The following DNAI3 variants were observed in gnomAD, a reference collection of about 807,000 sequenced individuals.
DNAI3 encodes the protein WD repeat domain 63.
DNAI3 carries 83 observed loss-of-function variants against 115.5 expected under a neutral mutation model. The ratio of observed to expected loss-of-function variants is 0.72; its 90% CI spans 0.60 to 0.86. The LOEUF is 0.86. Ranked by LOEUF, DNAI3 falls within the 40% of genes least tolerant of loss-of-function variation. The pLI, the probability that DNAI3 is intolerant of heterozygous loss-of-function variation, is 0.00. For synonymous variants in DNAI3, 320 were observed against 347.0 expected (o/e 0.92, Z 0.86); for missense variants, 1,004 against 1,075.8 (o/e 0.93, Z 0.93).
intron 3 of DNAI3, among the ~76,000 whole-genome samples, chr1:85,078,131 C>A (rs1286727163): frequency 6.6e-6 from 1 of 151,920 alleles, no homozygotes; most frequent in East Asian, 1.9e-4. Context: ...AGAAGCAGGA[C>A]CCTCTCCATG....
chr1:85,090,270 A>AT, intron 8 of DNAI3, 38 bp downstream of exon 8: 9 of 1,207,262 alleles, frequency 7.5e-6, no homozygotes, highest in Non-Finnish European at 1.0e-5. Flanking sequence ...AATAAAACAT[A>AT]AAATGTATAT....
rs776721054 is a variant in DNAI3 at position 85,108,035 on chromosome 1, C to A, written c.1556C>A (p.Thr519Lys). ...AAATATATATAAATTTTTTTTAGCA[C>A]AATATGTTTTTGGGATATTAGACCA... The part of the protein sequence containing the change: ...CQLVTCSADC[T>K]ICFWDIRPQK... The change falls in exon 15 of 23, where the codon ACA becomes AAA. Residue 519 changes from threonine to lysine, a missense_variant and splice_region_variant. By Grantham distance (78) the Thr-to-Lys change is moderately conservative. This residue lies in a region of DNAI3 where 429 missense variants were observed against 454.3 expected (regional missense o/e 0.94). Coordinates refer to ENST00000294664, the MANE Select transcript of DNAI3 (RefSeq NM_145172.5). 2 of 1,553,328 alleles carry A rather than the reference C, an allele frequency of 1.3e-6. No individual in the cohort carries two copies. Among genetic ancestry groups the A allele is most frequent in the East Asian group, 2.3e-5 (1 of 43,342 alleles).
chr1:85,079,761 C>G (rs1237445721), intron 3 of DNAI3, among the ~76,000 whole-genome samples: 3 of 152,144 alleles, frequency 2.0e-5, no homozygotes, highest in African/African-American at 4.8e-5. Context: ...CTGCTGAGGA[C>G]TGGCCTGAGG....
intron 3 of DNAI3, among the ~76,000 whole-genome samples, chr1:85,073,584 A>C (rs1212193053): frequency 6.6e-6 from 1 of 152,214 alleles, no homozygotes; most frequent in South Asian, 2.1e-4. Context: ...TGGAGGGGGA[A>C]CCTCTCCCTT....
intron 3 of DNAI3, among the ~76,000 whole-genome samples, chr1:85,078,300 C>T (rs1258416593): frequency 6.6e-6 from 1 of 152,188 alleles, no homozygotes; most frequent in Non-Finnish European, 1.5e-5. Context: ...AAAATGGAGA[C>T]AAATATAGTA....
intron 20 of DNAI3, among the ~76,000 whole-genome samples, chr1:85,127,068 C>T (rs1041460030): frequency 9.9e-5 from 15 of 152,094 alleles, no homozygotes; most frequent in African/African-American, 2.9e-4. Flanking sequence ...CAGGATGACC[C>T]GGATCTTTGT....
At chr1:85,077,004 C>T (rs963488) in intron 3 of DNAI3, among the ~76,000 whole-genome samples, 115,220 of 152,018 alleles carry the variant, frequency 0.76, 43,866 homozygotes, top group Non-Finnish European at 0.79. Flanking sequence ...CCTCATAAGA[C>T]TGATGTGGAA....
intron 1 of DNAI3, among the ~76,000 whole-genome samples, chr1:85,071,641 G>T (rs1445093559): frequency 6.6e-6 from 1 of 152,054 alleles, no homozygotes. Context: ...GTCCTCTGTC[G>T]TGCTTCCATG....
At position 85,117,736 on chromosome 1, in the gene DNAI3, GT is replaced by G. The variant is rs774402284; in HGVS notation, c.1796del (p.Leu599Ter). 5.0e-6 allele frequency: 8 copies of G among 1,613,550 alleles called. No individual in the cohort carries two copies. The highest frequency in any genetic ancestry group is 6.8e-6 in the Non-Finnish European group (8 of 1,179,564). ...CCCACACTCCTCTGAAAGACAAAAT[GT>G]TAGCACAGAGCAAAACAGAGAAGGC... ...HLLCKTQDKM[L>X]AQSKTEKAEE... On this transcript the variant is annotated frameshift_variant, in exon 17 of 23. Transcript: ENST00000294664. LOFTEE classifies it high-confidence loss of function.
At chr1:85,069,391 GT>G (rs1238312971) in intron 1 of DNAI3, among the ~76,000 whole-genome samples, 1 of 151,492 alleles carries the variant, frequency 6.6e-6, no homozygotes, top group African/African-American at 2.4e-5. Flanking sequence ...TCCTTTATTT[GT>G]TTATTTGTTC....
Position 85,130,459 on chromosome 1 carries a change from C to T in DNAI3, c.2532+347C>T, listed in dbSNP as rs75128778. Among the ~76,000 whole-genome samples, 452 of 152,230 alleles carry T rather than the reference C, an allele frequency of 3.0e-3. 15 individuals are homozygous for T. The East Asian group carries it at 0.075, about 25-fold the overall frequency. ...AAGAGTTGAATATGGAATCAAGACA[C>T]GTGGGCTCAAATCCCAACTCTGCCA... On this transcript the variant is annotated intron_variant, in intron 22 of 22. Coordinates refer to ENST00000294664, the MANE Select transcript of DNAI3 (RefSeq NM_145172.5).
chr1:85,122,841 G>A (rs954507984), intron 18 of DNAI3, among the ~76,000 whole-genome samples: 2 of 152,170 alleles, frequency 1.3e-5, no homozygotes, highest in Non-Finnish European at 2.9e-5. Context: ...TCATGCCTGG[G>A]GCATAGGGTT....
chr1:85,084,248 GTGTATA>G (rs1266893611), intron 5 of DNAI3, among the ~76,000 whole-genome samples: 2 of 32,466 alleles, frequency 6.2e-5, no homozygotes, highest in Non-Finnish European at 1.3e-4. Flanking sequence ...TATCAGCAGT[GTGTATA>G]TATATATATA....
intron 2 of DNAI3, 82 bp from the exon 3 acceptor site, chr1:85,072,972 A>AAAAG (rs1553165209): frequency 7.3e-4 from 370 of 505,744 alleles, no homozygotes; most frequent in Non-Finnish European, 8.7e-4. Flanking sequence ...AAAAAAAAAA[A>AAAAG]AAGAAGAAAT....
At chr1:85,130,266 T>C (rs1264159832) in intron 22 of DNAI3, 154 bp downstream of exon 22, 37 of 1,092,514 alleles carry the variant, frequency 3.4e-5, no homozygotes, top group Non-Finnish European at 2.6e-5. Context: ...TTTGATTTCC[T>C]AGCTCACTGC....
intron 19 of DNAI3, among the ~76,000 whole-genome samples, chr1:85,126,130 A>G (rs1434738987): frequency 6.6e-6 from 1 of 152,216 alleles, no homozygotes; most frequent in Non-Finnish European, 1.5e-5. Context: ...TGGGAAGCAG[A>G]TATCTGATAG....
intron 22 of DNAI3, among the ~76,000 whole-genome samples, chr1:85,131,650 A>T (rs1656328671): frequency 6.6e-6 from 1 of 152,142 alleles, no homozygotes; most frequent in Non-Finnish European, 1.5e-5. Context: ...CTACAAACAA[A>T]TTGATCTTAG....
intron 14 of DNAI3, among the ~76,000 whole-genome samples, chr1:85,105,077 G>A (rs766958659): frequency 7.2e-5 from 11 of 152,236 alleles, no homozygotes; most frequent in East Asian, 1.9e-4. Flanking sequence ...CTAAGAATTC[G>A]TAATGAAACA....
chr1:85,087,175 C>A lies in DNAI3; in HGVS notation c.740+1145C>A, dbSNP rs572164234. ...CAACTTGGCCGGGCACCGTGACTCA[C>A]GCCTTTAATCCCAGCACTTTGGGAG... On this transcript the variant is annotated intron_variant, in intron 7 of 22. Transcript: ENST00000294664. Among the ~76,000 whole-genome samples, 35 of 152,210 alleles carry A rather than the reference C, an allele frequency of 2.3e-4. No individual in the cohort carries two copies. In the South Asian group the frequency reaches 3.3e-3, roughly 14 times the overall value.
Sources: gnomAD v4.1 joint callset for allele counts (sites outside exome capture counted in the v4.1 genomes callset) on GRCh38, gnomAD v4.1.1 for gene constraint, gnomAD v4.1.1 regional missense constraint, MANE v1.5 for transcripts, NCBI Gene and HGNC (gene_info 2026-07-23, HGNC 2026-07-21) for gene names.